The following DST variants were observed in gnomAD, a reference collection of about 807,000 sequenced individuals.
DST encodes bullous pemphigoid antigen.
A neutral mutation model predicts 875.2 loss-of-function variants in DST; 253 were observed. That is an observed-to-expected ratio of 0.29 (90% confidence interval 0.26 to 0.32). DST has a LOEUF of 0.32. Ranked by LOEUF, DST falls within the 10% of genes least tolerant of loss-of-function variation. The probability of loss-of-function intolerance (pLI) is 1.00; values close to 1 mark genes in which losing one functional copy is unlikely to be tolerated. For synonymous variants in DST, 3,124 were observed against 3,197.1 expected (o/e 0.98, Z 0.77); for missense variants, 8,287 against 9,111.6 (o/e 0.91, Z 3.68).
chr6:56,953,129 G>A (rs1823203428), intron 2 of DST, among the ~76,000 whole-genome samples: 1 of 152,240 alleles, frequency 6.6e-6, no homozygotes, highest in South Asian at 2.1e-4. Flanking sequence ...TAGGATAAGT[G>A]GAGGTTGGCC....
chr6:56,489,366 TACAGGTTCAC>T, intron 86 of DST, 114 bp downstream of exon 86: 1 of 909,100 alleles, frequency 1.1e-6, no homozygotes, highest in Non-Finnish European at 1.5e-6. Flanking sequence ...TTAAATTTAA[TACAGGTTCAC>T]ACTGGACCTA....
rs2096871471 is a variant in DST, at chr6:56,530,217, A to G, written c.17109-84T>C. On this transcript the variant is annotated intron_variant, in intron 64 of 103. Transcript: ENST00000680361. ...ATCTTCAGTCATGCTCTTGCAATCT[A>G]TTCTAAACATTTTCTGTAGAAACTA... 7 of 1,024,204 alleles carry G rather than the reference A, an allele frequency of 6.8e-6. No homozygotes were observed. In the South Asian group the frequency reaches 1.9e-4, roughly 27 times the overall value. The allele number at this position is 1,024,204 out of a possible 1,614,324, so 63.4% of individuals were successfully genotyped here.
intron 36 of DST, chr6:56,619,742 T>C (rs1312395028): frequency 6.2e-7 from 1 of 1,614,088 alleles, no homozygotes; most frequent in East Asian, 2.2e-5. Context: ...ATACCCTTTC[T>C]CCGCCTGATC....
rs2097341184 is a variant in DST at position 56,552,488 on chromosome 6, A to T, written c.16304T>A (p.Leu5435His). 4 of 1,613,734 alleles carry T rather than the reference A, an allele frequency of 2.5e-6. No individual in the cohort carries two copies. The highest frequency in any genetic ancestry group is 3.4e-6 in the Non-Finnish European group (4 of 1,179,846). ...ATTGGCATTGTCATTGCTTGCCATG[A>T]GGGCTTCTAGTTTCTTTAGAAAGGC... ...IKAFLKKLEALMASNDNANKT... is the reference protein window; with the variant it reads ...IKAFLKKLEAHMASNDNANKT... Residue 5435 changes from leucine (L) to histidine (H), a missense_variant, in exon 61 of 104, where the codon CTC becomes CAC. By Grantham distance (99) the Leu-to-His change is moderately conservative. Around this residue, in one of 10 missense-constraint regions of DST, gnomAD observed 777 missense variants for 764.8 expected, o/e 1.02. Transcript: ENST00000680361.
chr6:56,771,810 A>G (rs551985008), intron 4 of DST, among the ~76,000 whole-genome samples: 1 of 152,344 alleles, frequency 6.6e-6, no homozygotes, highest in Admixed American at 6.5e-5. Flanking sequence ...GCACATATAC[A>G]TGTATACAAA....
Position 56,473,986 on chromosome 6 carries a change from AT to A in DST, c.21880del (p.Met7294Ter). ...ATCAACATCAGGCTGTTTTCTGGTC[AT>A]TTCCTCCATGAAGGTCTGAAATGAA... ...IAEHQTFMEE[M>X]TRKQPDVDKV... On this transcript the variant is annotated frameshift_variant, in exon 93 of 104. Transcript: ENST00000680361. LOFTEE classifies it high-confidence loss of function. The A allele has an allele frequency of 6.3e-7, 1 of 1,578,208 alleles. No homozygotes were observed. The highest frequency in any genetic ancestry group is 1.8e-5 in the Admixed American group (1 of 54,844).
At chr6:56,825,415 T>G (rs531673325) in intron 4 of DST, among the ~76,000 whole-genome samples, 153 of 150,708 alleles carry the variant, frequency 1.0e-3, no homozygotes, top group Middle Eastern at 3.4e-3. Flanking sequence ...GTTCACTTGT[T>G]TATCTGCTGA....
intron 36 of DST, chr6:56,619,162 C>G (rs145648865): frequency 3.1e-6 from 5 of 1,613,964 alleles, no homozygotes; most frequent in African/African-American, 2.7e-5. Context: ...TGCTGCGTAG[C>G]TGATCTTTAA....
intron 61 of DST, chr6:56,540,785 A>G (rs1226307350): frequency 3.9e-5 from 6 of 152,598 alleles, no homozygotes; most frequent in Non-Finnish European, 8.8e-5. Context: ...TGCTTCCTCT[A>G]GTGGAGAAAC....
chr6:56,619,595 T>C, intron 36 of DST: 1 of 1,614,002 alleles, frequency 6.2e-7, no homozygotes, highest in Non-Finnish European at 8.5e-7. Context: ...TAGTTTCCCT[T>C]TTTCATGATT....
intron 49 of DST, among the ~76,000 whole-genome samples, chr6:56,591,312 T>C (rs947355423): frequency 2.0e-5 from 3 of 152,212 alleles, no homozygotes; most frequent in African/African-American, 4.8e-5. Flanking sequence ...GAGAACTGTA[T>C]TGAGTAATTA....
intron 5 of DST, among the ~76,000 whole-genome samples, chr6:56,724,457 C>T (rs1208370658): frequency 3.9e-5 from 6 of 152,152 alleles, no homozygotes; most frequent in Non-Finnish European, 5.9e-5. Flanking sequence ...AACAATAACA[C>T]GGGAAGGCTG....
At chr6:56,702,017 A>G (rs2099310428) in intron 7 of DST, 52 bp from the exon 8 acceptor site, 1 of 1,044,904 alleles carries the variant, frequency 9.6e-7, no homozygotes, top group African/African-American at 1.6e-5. Flanking sequence ...ATCACAGACC[A>G]TGCTAATTTA....
chr6:56,813,142 C>A lies in DST; in HGVS notation c.625+38255G>T, dbSNP rs1001128673. On this transcript the variant is annotated intron_variant, in intron 4 of 103. Coordinates refer to ENST00000680361, the MANE Select transcript of DST (RefSeq NM_001374736.1). ...AGTAAACTATCTCAAGAACAAAAAA[C>A]CAAACACCACATGTTCTCACTCATA... 4.7e-5 allele frequency among the ~76,000 whole-genome samples: 7 copies of A among 149,350 alleles called. 1 individual carries two copies. The highest frequency in any genetic ancestry group is 2.7e-4 in the Admixed American group (4 of 14,832).
At position 56,509,634 on chromosome 6, in the gene DST, A is replaced by C; in HGVS notation, c.19012+8T>G. On this transcript the variant is annotated splice_region_variant and intron_variant, in intron 74 of 103. Transcript: ENST00000680361. Reference sequence around the variant, plus strand: ...TTAAAATTTGTTTCCCTATTCCAAAAGTATTACCTTTGGCAGATATGTCTT... The same window carrying C: ...TTAAAATTTGTTTCCCTATTCCAAACGTATTACCTTTGGCAGATATGTCTT... 3 of 1,596,836 alleles carry C rather than the reference A, an allele frequency of 1.9e-6. No individual in the cohort carries two copies. Among genetic ancestry groups the C allele is most frequent in the Non-Finnish European group, 2.6e-6 (3 of 1,166,052 alleles).
chr6:56,745,465 C>T (rs1386281629), intron 4 of DST, among the ~76,000 whole-genome samples: 1 of 152,056 alleles, frequency 6.6e-6, no homozygotes, highest in Non-Finnish European at 1.5e-5. Context: ...CCTGGTAGTA[C>T]ACGAAGAAAT....
Position 56,553,645 on chromosome 6 carries a change from G to T in DST, c.15147C>A (p.Val5049=), listed in dbSNP as rs764514722. The change falls in exon 61 of 104, where the codon GTC becomes GTA. Residue 5049 remains valine, a synonymous_variant. Transcript: ENST00000680361. ...TTGCACAGGCCGACTGAAGGTGCTG[G>T]ACATGATTCTCTAGAAATAAAATTA... ...KDVEQKAENH[V]QHLQSACASS... is the part of the protein sequence containing the mutation. 1.2e-6 allele frequency: 2 copies of T among 1,610,356 alleles called. No individual in the cohort carries two copies. The highest frequency in any genetic ancestry group is 2.2e-5 in the South Asian group (2 of 90,010).
At position 56,607,335 on chromosome 6, in the gene DST, A is replaced by G; in HGVS notation, c.7293T>C (p.Tyr2431=). The G allele has an allele frequency of 1.9e-6, 3 of 1,613,314 alleles. No homozygotes were observed. The highest frequency in any genetic ancestry group is 2.2e-5 in the East Asian group (1 of 44,860). ...TTAACAAGGCACTTAGCCTGGGGGA[A>G]TAGTCAAAGATAGGTGAATCCCTGT... ...NTNRDSPIFD[Y]SPRLSALLSH... is the part of the protein sequence containing the mutation. The change falls in exon 40 of 104, where the codon TAT becomes TAC. Residue 2431 remains tyrosine (Y), a synonymous_variant. Transcript: ENST00000680361.
chr6:56,641,793 C>T (rs531292772), intron 17 of DST, among the ~76,000 whole-genome samples, 154 bp downstream of exon 17: 1 of 152,146 alleles, frequency 6.6e-6, no homozygotes, highest in South Asian at 2.1e-4. Flanking sequence ...CCTACTTAAA[C>T]ACCAAAATAT....
Sources: allele counts gnomAD v4.1 joint callset (sites outside exome capture counted in the v4.1 genomes callset), GRCh38; gene constraint gnomAD v4.1.1; regional missense constraint gnomAD v4.1.1; transcripts MANE v1.5; gene names NCBI Gene and HGNC (gene_info 2026-07-23, HGNC 2026-07-21).